The following LIPE variants were observed in gnomAD, a reference collection of about 807,000 sequenced individuals.
The protein encoded by LIPE is lipase E, hormone sensitive type.
LIPE carries 66 observed loss-of-function variants against 88.5 expected under a neutral mutation model. The ratio of observed to expected loss-of-function variants is 0.75; its 90% CI spans 0.61 to 0.91. LIPE has a LOEUF of 0.91. Among genes scored for constraint, LIPE ranks in the 40% least tolerant of loss-of-function variants. The pLI is 0.00. For missense variants in LIPE, 1,346 were observed against 1,434.7 expected, an observed-to-expected ratio of 0.94 and a Z score of 1.00; for synonymous variants, 570 against 617.5, an observed-to-expected ratio of 0.92 and a Z score of 1.14.
At chr19:42,405,165 G>A (rs2040129297) in intron 8 of LIPE, among the ~76,000 whole-genome samples, 1 of 152,104 alleles carries the variant, frequency 6.6e-6, no homozygotes, top group Non-Finnish European at 1.5e-5. Context: ...ACCACACCTG[G>A]CTAATATTTT....
intron 1 of LIPE, chr19:42,424,323 A>C (rs1600149192): frequency 2.2e-6 from 1 of 458,484 alleles, no homozygotes; most frequent in Non-Finnish European, 4.4e-6. Context: ...GAAACAGAGG[A>C]GGCTCGAGGC....
Position 42,407,752 on chromosome 19 carries a change from G to A in LIPE, c.1696C>T (p.Arg566Cys). 9 of 1,558,540 alleles carry A rather than the reference G, an allele frequency of 5.8e-6. No homozygotes were observed. The highest frequency in any genetic ancestry group is 1.4e-5 in the African/African-American group (1 of 73,314). The change falls in exon 5 of 10, where the codon CGC becomes TGC. Residue 566 changes from arginine to cysteine, a missense_variant. Transcript: ENST00000244289. This position sits in a 1 kb window ranked among gnomAD's most constrained non-coding sequence, Gnocchi z 5.8. ...GCTTCGGGTGGCAGGCTGAGCAGGC[G>A]GCTTACCCTCACGGTGGCCGATGCC... ...NMASATVRVS[R>C]LLSLPPEAFE...
chr19:42,424,769 A>G (rs781077387), intron 1 of LIPE: 3 of 370,970 alleles, frequency 8.1e-6, no homozygotes, highest in Non-Finnish European at 1.1e-5. Context: ...CTCCAGTTCC[A>G]TAGATAAAAC....
chr19:42,423,310 C>T, intron 1 of LIPE: 1 of 836,832 alleles, frequency 1.2e-6, no homozygotes, highest in Non-Finnish European at 1.7e-6. Context: ...TGGGCCAGTC[C>T]GCGGACCCCC....
chr19:42,402,450 G>A (rs1179040991), intron 9 of LIPE, among the ~76,000 whole-genome samples, 157 bp downstream of exon 9: 2 of 152,016 alleles, frequency 1.3e-5, no homozygotes, highest in African/African-American at 4.8e-5. Context: ...TCCTCCTCCC[G>A]TTCGTTCGGG....
chr19:42,408,305 C>A lies in LIPE; in HGVS notation c.1437G>T (p.Arg479=). 6.2e-7 allele frequency: 1 copy of A among 1,614,066 alleles called. No individual in the cohort carries two copies. The highest frequency in any genetic ancestry group is 8.5e-7 in the Non-Finnish European group (1 of 1,180,004). ...CLGFQFTPAI[R]PFLQTISIGL... Reference sequence around the variant, plus strand: ...CAATGGAGATGGTCTGCAGGAATGGCCGGATGGCAGGCGTGAACTGTGGAG... The same window carrying A: ...CAATGGAGATGGTCTGCAGGAATGGACGGATGGCAGGCGTGAACTGTGGAG... The change falls in exon 3 of 10, where the codon CGG becomes CGT. Residue 479 remains arginine (R), a synonymous_variant. Coordinates refer to ENST00000244289, the MANE Select transcript of LIPE (RefSeq NM_005357.4). This position sits in a 1 kb window ranked among gnomAD's most constrained non-coding sequence, Gnocchi z 4.3.
At chr19:42,404,758 A>G (rs1370784586) in intron 8 of LIPE, among the ~76,000 whole-genome samples, 1 of 152,250 alleles carries the variant, frequency 6.6e-6, no homozygotes, top group Non-Finnish European at 1.5e-5. Context: ...CTGGAACAGA[A>G]TGGACACACC....
At position 42,401,940 on chromosome 19, in the gene LIPE, C is replaced by T. The variant is rs766817317; in HGVS notation, c.3103G>A (p.Glu1035Lys). Reference sequence around the variant, plus strand: ...CACAGCTCTGCGGCCTGGCGCGTCTCGCGGCACAGCGCCGCTAGGGTCAGG... The same window carrying T: ...CACAGCTCTGCGGCCTGGCGCGTCTTGCGGCACAGCGCCGCTAGGGTCAGG... ...GFLTLAALCR[E>K]TRQAAELCVE... Residue 1035 changes from glutamate (E) to lysine (K), a missense_variant, in exon 10 of 10, where the codon GAG becomes AAG. Physicochemically the swap from Glu to Lys is moderately conservative, Grantham distance 56. Coordinates refer to ENST00000244289, the MANE Select transcript of LIPE (RefSeq NM_005357.4). 6.4e-7 allele frequency: 1 copy of T among 1,555,580 alleles called. No individual in the cohort carries two copies.
In LIPE at chr19:42,426,457, A is replaced by G; in HGVS notation, c.693T>C (p.Asp231=). ...ATCCCACATCTGATTCTGACTCAGA[A>G]TCTGTGACCCACTCAGAAAGTGCCT... ...EWKALSEWVT[D]SESESDVGSS... Residue 231 remains aspartate, a synonymous_variant, in exon 1 of 10, where the codon GAT becomes GAC. Transcript: ENST00000244289. 6.2e-7 allele frequency: 1 copy of G among 1,614,026 alleles called. No individual in the cohort carries two copies. The highest frequency in any genetic ancestry group is 1.1e-5 in the South Asian group (1 of 91,020).
At chr19:42,405,650 G>T in intron 7 of LIPE, 89 bp from the exon 8 acceptor site, 2 of 1,309,104 alleles carry the variant, frequency 1.5e-6, no homozygotes, top group South Asian at 1.4e-5. Flanking sequence ...TGGTCCCAGG[G>T]ACCCGAGAAT....
chr19:42,408,400 G>T lies in LIPE; in HGVS notation c.1420-78C>A. ...GGGCAGGAGCGAGGCACAGGGATGT[G>T]CGGGGAAGACACATTCATTCAGTAA... On this transcript the variant is annotated intron_variant, in intron 2 of 9. Coordinates refer to ENST00000244289, the MANE Select transcript of LIPE (RefSeq NM_005357.4). This position sits in a 1 kb window ranked among gnomAD's most constrained non-coding sequence, Gnocchi z 4.3. 1.7e-6 allele frequency: 2 copies of T among 1,154,716 alleles called. No individual in the cohort carries two copies. Among genetic ancestry groups the T allele is most frequent in the Non-Finnish European group, 2.6e-6 (2 of 766,860 alleles). 71.5% of individuals were successfully genotyped at this position (1,154,716 alleles called of 1,614,324 possible).
chr19:42,426,966 C>G lies in LIPE; in HGVS notation c.184G>C (p.Glu62Gln). 1 of 1,613,980 alleles carries G rather than the reference C, an allele frequency of 6.2e-7. No individual in the cohort carries two copies. ...ASNQRPLTQQETPAQHDAESQ... is the reference protein window; with the variant it reads ...ASNQRPLTQQQTPAQHDAESQ... ...TCAGCATCATGTTGTGCAGGGGTCT[C>G]CTGCTGGGTGAGGGGTCTTTGGTTT... Residue 62 changes from glutamate to glutamine, a missense_variant, in exon 1 of 10, where the codon GAG (glutamate) becomes CAG (glutamine). Physicochemically the swap from Glu to Gln is conservative, Grantham distance 29. Transcript: ENST00000244289.
At chr19:42,424,895 AG>A (rs2147677871) in intron 1 of LIPE, 1 of 345,614 alleles carries the variant, frequency 2.9e-6, no homozygotes, top group South Asian at 2.2e-5. Flanking sequence ...GAAGAGGCGG[AG>A]AAGGCGAGGG....
In LIPE at chr19:42,406,460, C is replaced by A; in HGVS notation, c.2138-72G>T. 3 of 1,364,498 alleles carry A rather than the reference C, an allele frequency of 2.2e-6. No individual in the cohort carries two copies. The highest frequency in any genetic ancestry group is 3.1e-6 in the Non-Finnish European group (3 of 967,480). The allele number at this position is 1,364,498 out of a possible 1,614,324, so 84.5% of individuals were successfully genotyped here. On this transcript the variant is annotated intron_variant, in intron 6 of 9. Transcript: ENST00000244289. This position sits in a 1 kb window ranked among gnomAD's most constrained non-coding sequence, Gnocchi z 5.7. ...GCCTGGGGAGGAGGGCAGGGAGGAACTCAAGCTGGGAGAACTGGGCTCTCC... is the reference window on the plus strand; with the variant it reads ...GCCTGGGGAGGAGGGCAGGGAGGAAATCAAGCTGGGAGAACTGGGCTCTCC...
At chr19:42,409,585 G>A (rs762364648) in intron 2 of LIPE, among the ~76,000 whole-genome samples, 2 of 152,092 alleles carry the variant, frequency 1.3e-5, no homozygotes, top group East Asian at 3.9e-4. Flanking sequence ...TCCCGGGGAC[G>A]GACATTTTAA....
intron 1 of LIPE, among the ~76,000 whole-genome samples, chr19:42,415,654 C>CA (rs2040471388): frequency 1.3e-5 from 2 of 151,638 alleles, no homozygotes; most frequent in Admixed American, 6.6e-5. Context: ...ACTAAAAATA[C>CA]AAAAAATCAG....
chr19:42,426,927 G>C lies in LIPE; in HGVS notation c.223C>G (p.Pro75Ala), dbSNP rs1395705172. ...AQHDAESQKE[P>A]RAQQKSASQE... ...GAAGCAGATTTTTGTTGGGCTCTAG[G>C]TTCCTTCTGGGATTCAGCATCATGT... is the stretch of plus-strand genomic sequence containing the variant. The change falls in exon 1 of 10, where the codon CCT becomes GCT. Residue 75 changes from proline to alanine, a missense_variant. Physicochemically the swap from Pro to Ala is conservative, Grantham distance 27. Coordinates refer to ENST00000244289, the MANE Select transcript of LIPE (RefSeq NM_005357.4). 1.2e-6 allele frequency: 2 copies of C among 1,614,166 alleles called. No homozygotes were observed. The highest frequency in any genetic ancestry group is 1.3e-5 in the African/African-American group (1 of 75,044).
chr19:42,407,300 C>A lies in LIPE; in HGVS notation c.2011G>T (p.Ala671Ser). 1 of 1,610,598 alleles carries A rather than the reference C, an allele frequency of 6.2e-7. No individual in the cohort carries two copies. The highest frequency in any genetic ancestry group is 8.5e-7 in the Non-Finnish European group (1 of 1,178,670). The change falls in exon 6 of 10, where the codon GCC becomes TCC. Residue 671 changes from alanine (A) to serine (S), a missense_variant. Transcript: ENST00000244289. The surrounding 1 kb of genome is among the most constrained non-coding windows in gnomAD (Gnocchi z 5.8). ...ATGATGGGGGCGCCCAGCTCCTGGG[C>A]CCAGCTCTTGAGGTAGGGCTCGTGG... ...RSHEPYLKSW[A>S]QELGAPIISI... is the part of the protein sequence containing the mutation.
Position 42,426,348 on chromosome 19 carries a change from A to G in LIPE, c.802T>C (p.Tyr268His). 1 of 1,613,882 alleles carries G rather than the reference A, an allele frequency of 6.2e-7. No individual in the cohort carries two copies. The highest frequency in any genetic ancestry group is 8.5e-7 in the Non-Finnish European group (1 of 1,179,894). The change falls in exon 1 of 10, where the codon TAT (tyrosine) becomes CAT (histidine). Residue 268 changes from tyrosine (Y) to histidine (H), a missense_variant. Physicochemically the swap from Tyr to His is moderately conservative, Grantham distance 83 (BLOSUM62 2). Transcript: ENST00000244289. ...VKLGFKGKSG[Y>H]KVMSGYSGTS... Reference sequence around the variant, plus strand: ...CCACTGTATCCTGACATCACTTTATAACCAGATTTTCCTTTGAAGCCTAGC... The same window carrying G: ...CCACTGTATCCTGACATCACTTTATGACCAGATTTTCCTTTGAAGCCTAGC...
Sources: allele counts gnomAD v4.1 joint callset (sites outside exome capture counted in the v4.1 genomes callset), GRCh38; gene constraint gnomAD v4.1.1; non-coding constraint Gnocchi (gnomAD v3.1); transcripts MANE v1.5; gene names NCBI Gene and HGNC (gene_info 2026-07-23, HGNC 2026-07-21).